The following COMMD10 variants were observed in gnomAD, a reference collection of about 807,000 sequenced individuals.
The protein encoded by COMMD10 is COMM domain containing 10.
In COMMD10, 33 loss-of-function variants were observed where a neutral mutation model predicts 28.9. The ratio of observed to expected loss-of-function variants is 1.14; its 90% CI spans 0.87 to 1.53. COMMD10 has a LOEUF of 1.53. Among genes scored for constraint, COMMD10 ranks in the 40% most tolerant of loss-of-function variants. The pLI is 0.00. For synonymous variants in COMMD10, 110 were observed against 81.7 expected (o/e 1.35, Z -1.87); for missense variants, 310 against 233.4 (o/e 1.33, Z -2.14).
rs377724547 is a variant in COMMD10 at position 116,262,225 on chromosome 5, C to G, written c.511-29292C>G. Among the ~76,000 whole-genome samples, 27 of 151,636 alleles carry G rather than the reference C, an allele frequency of 1.8e-4. No individual in the cohort carries two copies. The East Asian group carries it at 2.7e-3, about 15-fold the overall frequency. On this transcript the variant is annotated intron_variant, in intron 5 of 6. Transcript: ENST00000274458. ...CTAGTTGTGTATATTTTCATTTGCC[C>G]TACACTTACCTGGTTAGGTTAAAAT...
intron 5 of COMMD10, among the ~76,000 whole-genome samples, chr5:116,286,969 T>C (rs946159196): frequency 2.6e-5 from 4 of 151,852 alleles, no homozygotes; most frequent in African/African-American, 9.7e-5. Context: ...CCTACTATTA[T>C]TGTGTTGTTG....
At chr5:116,269,827 T>A (rs1304334606) in intron 5 of COMMD10, among the ~76,000 whole-genome samples, 1 of 151,816 alleles carries the variant, frequency 6.6e-6, no homozygotes, top group East Asian at 1.9e-4. Context: ...CCAGTCTTAC[T>A]TCTCTACCTT....
At chr5:116,144,782 A>T (rs1023879247) in intron 5 of COMMD10, among the ~76,000 whole-genome samples, 1 of 151,916 alleles carries the variant, frequency 6.6e-6, no homozygotes, top group African/African-American at 2.4e-5. Context: ...ACGAAAGAAT[A>T]TGAGGTGAGA....
chr5:116,205,793 A>G (rs1034906396), intron 5 of COMMD10, among the ~76,000 whole-genome samples: 3 of 152,186 alleles, frequency 2.0e-5, no homozygotes, highest in African/African-American at 7.2e-5. Flanking sequence ...ATAAGTGTTA[A>G]GAACACTTGA....
At chr5:116,138,272 T>G (rs969752701) in intron 5 of COMMD10, among the ~76,000 whole-genome samples, 2 of 151,866 alleles carry the variant, frequency 1.3e-5, no homozygotes, top group African/African-American at 4.8e-5. Flanking sequence ...TTATTGACTT[T>G]TTTGTTACAT....
intron 5 of COMMD10, among the ~76,000 whole-genome samples, chr5:116,177,152 G>C (rs1753542263): frequency 6.6e-6 from 1 of 152,084 alleles, no homozygotes; most frequent in African/African-American, 2.4e-5. Context: ...AAGAGCCTCA[G>C]AGTGGTGATT....
At chr5:116,126,859 G>A (rs773230047) in intron 4 of COMMD10, among the ~76,000 whole-genome samples, 8 of 152,120 alleles carry the variant, frequency 5.3e-5, no homozygotes, top group Non-Finnish European at 1.0e-4. Flanking sequence ...CAGGCCATAG[G>A]CATGGGCAAG....
intron 5 of COMMD10, among the ~76,000 whole-genome samples, chr5:116,286,618 G>A (rs1248264507): frequency 1.3e-5 from 2 of 151,268 alleles, no homozygotes; most frequent in African/African-American, 4.9e-5. Context: ...TACTTATTTG[G>A]CCCATTGATT....
intron 5 of COMMD10, among the ~76,000 whole-genome samples, chr5:116,211,366 G>T (rs978894284): frequency 6.6e-5 from 10 of 152,068 alleles, no homozygotes; most frequent in African/African-American, 2.4e-4. Context: ...AACCTATACA[G>T]CATGTTACTG....
At chr5:116,199,010 T>A (rs116582067) in intron 5 of COMMD10, among the ~76,000 whole-genome samples, 128 of 152,236 alleles carry the variant, frequency 8.4e-4, no homozygotes, top group African/African-American at 2.9e-3. Flanking sequence ...TAACAGCATG[T>A]TTAGTTTTGT....
At chr5:116,085,142 G>C (rs1302240658) in intron 1 of COMMD10, 49 bp downstream of exon 1, 3 of 1,580,324 alleles carry the variant, frequency 1.9e-6, no homozygotes, top group Non-Finnish European at 8.6e-7. Context: ...GGAAGGCCCA[G>C]ATCGGGCTCG....
chr5:116,110,914 A>G (rs1751023025), intron 4 of COMMD10, among the ~76,000 whole-genome samples: 1 of 152,188 alleles, frequency 6.6e-6, no homozygotes, highest in African/African-American at 2.4e-5. Context: ...ACCTGCCTCC[A>G]TCATCCAATC....
intron 5 of COMMD10, among the ~76,000 whole-genome samples, chr5:116,156,443 T>A (rs748606637): frequency 6.6e-6 from 1 of 152,204 alleles, no homozygotes; most frequent in Admixed American, 6.5e-5. Context: ...TTCATTGATA[T>A]CTTCATTTCC....
At chr5:116,133,208 A>G (rs537434514) in intron 4 of COMMD10, among the ~76,000 whole-genome samples, 2 of 152,200 alleles carry the variant, frequency 1.3e-5, no homozygotes, top group African/African-American at 2.4e-5. Flanking sequence ...CTAAATATTG[A>G]TACTTGAGAT....
chr5:116,236,989 A>AG (rs1382535694), intron 5 of COMMD10, among the ~76,000 whole-genome samples: 1 of 152,106 alleles, frequency 6.6e-6, no homozygotes, highest in African/African-American at 2.4e-5. Context: ...AGCAGAGTAA[A>AG]GGGGTTAATG....
intron 5 of COMMD10, among the ~76,000 whole-genome samples, chr5:116,195,050 A>G (rs1254492893): frequency 6.6e-6 from 1 of 152,220 alleles, no homozygotes; most frequent in Non-Finnish European, 1.5e-5. Context: ...CATAAAGAGA[A>G]TTAAAAACAA....
chr5:116,151,873 T>C (rs1021595239), intron 5 of COMMD10, among the ~76,000 whole-genome samples: 7 of 152,092 alleles, frequency 4.6e-5, no homozygotes, highest in African/African-American at 1.7e-4. Context: ...CTGCTCTGAT[T>C]TTAGTTATTT....
chr5:116,160,712 C>A (rs1348284497), intron 5 of COMMD10, among the ~76,000 whole-genome samples: 2 of 152,116 alleles, frequency 1.3e-5, no homozygotes, highest in Non-Finnish European at 2.9e-5. Context: ...TTTTCTTGGT[C>A]ATCAGAACCT....
intron 4 of COMMD10, among the ~76,000 whole-genome samples, chr5:116,131,432 T>C (rs996052363): frequency 6.6e-5 from 10 of 151,888 alleles, no homozygotes; most frequent in African/African-American, 2.4e-4. Context: ...TGTATGTATG[T>C]GTATGTGAAG....
Sources: allele counts gnomAD v4.1 joint callset (sites outside exome capture counted in the v4.1 genomes callset), GRCh38; gene constraint gnomAD v4.1.1; transcripts MANE v1.5; gene names NCBI Gene and HGNC (gene_info 2026-07-23, HGNC 2026-07-21).